ZNF750: variants seen among roughly 807,000 people sequenced by gnomAD.
The protein encoded by ZNF750 is protein ZNF750.
In ZNF750, 10 loss-of-function variants were observed where a neutral mutation model predicts 31.6. The observed-to-expected ratio is 0.32, with a 90% CI of 0.19 to 0.54. The LOEUF (loss-of-function observed/expected upper bound fraction) is 0.54, where lower values mean the gene tolerates loss of function less well. Among genes scored for constraint, ZNF750 ranks in the 20% least tolerant of loss-of-function variants. The pLI, the probability that ZNF750 is intolerant of heterozygous loss-of-function variation, is 0.95. For synonymous variants in ZNF750, 400 were observed against 404.9 expected (o/e 0.99, Z 0.15); for missense variants, 914 against 934.9 (o/e 0.98, Z 0.29).
At position 82,833,625 on chromosome 17, in the gene ZNF750, C is replaced by T. The variant is rs1030653126; in HGVS notation, c.-182-989G>A. The stretch of plus-strand genomic sequence containing the variant: ...GCTGGCCAGGAGGCATGGCCAGCAG[C>T]GCCTGCCCGTCCAGATGCACCACCA... On this transcript the variant is annotated intron_variant, in intron 1 of 2. Coordinates refer to ENST00000269394, the MANE Select transcript of ZNF750 (RefSeq NM_024702.3). The surrounding 1 kb of genome is among the most constrained non-coding windows in gnomAD (Gnocchi z 4.7). Among the ~76,000 whole-genome samples the T allele has an allele frequency of 1.3e-5, 2 of 152,188 alleles. No homozygotes were observed. The highest frequency in any genetic ancestry group is 2.4e-5 in the African/African-American group (1 of 41,442).
rs1402397212 is a variant in ZNF750 at position 82,830,430 on chromosome 17, C to G, written c.1884G>C (p.Glu628Asp). The G allele has an allele frequency of 6.2e-6, 10 of 1,611,700 alleles. No homozygotes were observed. In the African/African-American group the frequency reaches 6.7e-5, roughly 11 times the overall value. ...APDACAVDSSEEQKQTAAVAL... is the reference protein window; with the variant it reads ...APDACAVDSSDEQKQTAAVAL... ...CCACGGCTGCCGTCTGCTTCTGCTC[C>G]TCGCTGCTGTCCACCGCGCATGCGT... Residue 628 changes from glutamate to aspartate, a missense_variant, in exon 3 of 3, where the codon GAG (glutamate) becomes GAC (aspartate). Around this residue, in one of 2 missense-constraint regions of ZNF750, gnomAD observed 880 missense variants for 868.9 expected, o/e 1.01. Transcript: ENST00000269394.
Position 82,830,104 on chromosome 17 carries a change from G to T in ZNF750, c.*38C>A, listed in dbSNP as rs780088774. ...GCTTGCCACCTTGGAAGGCGTGTGT[G>T]TGGCCGTAGCTCTGTGAACACACGT... On this transcript the variant is annotated 3_prime_UTR_variant, in exon 3 of 3. Coordinates refer to ENST00000269394, the MANE Select transcript of ZNF750 (RefSeq NM_024702.3). 6.2e-7 allele frequency: 1 copy of T among 1,611,924 alleles called. No individual in the cohort carries two copies. Among genetic ancestry groups the T allele is most frequent in the East Asian group, 2.2e-5 (1 of 44,876 alleles).
chr17:82,838,737 A>G (rs1206267542), intron 1 of ZNF750: 12 of 985,326 alleles, frequency 1.2e-5, no homozygotes, highest in African/African-American at 1.7e-5. Flanking sequence ...GGGAAAAGAC[A>G]GTCTTTGGGA....
chr17:82,838,598 CTG>C, intron 1 of ZNF750: 1 of 969,056 alleles, frequency 1.0e-6, no homozygotes, highest in Non-Finnish European at 1.2e-6. Flanking sequence ...CGCCTACCCA[CTG>C]TGATGTCGCA....
Position 82,831,136 on chromosome 17 carries a change from C to G in ZNF750, c.1319G>C (p.Ser440Thr), listed in dbSNP as rs1368002576. ...TGGCGGGTAGAGTCTTCCCAGTGCG[C>G]TGGAGGCTGCCTTGTTGGAGAGGTC... ...LYDLSNKAAS[S>T]ALGRLYPPEQ... Residue 440 changes from serine to threonine, a missense_variant, in exon 2 of 3, where the codon AGC becomes ACC. Around this residue, in one of 2 missense-constraint regions of ZNF750, gnomAD observed 880 missense variants for 868.9 expected, o/e 1.01. Transcript: ENST00000269394. This position sits in a 1 kb window ranked among gnomAD's most constrained non-coding sequence, Gnocchi z 4.6. 6.2e-7 allele frequency: 1 copy of G among 1,614,162 alleles called. No individual in the cohort carries two copies. The highest frequency in any genetic ancestry group is 1.3e-5 in the African/African-American group (1 of 75,034).
Position 82,830,549 on chromosome 17 carries a change from C to T in ZNF750, c.1765G>A (p.Gly589Ser). 3 of 1,614,146 alleles carry T rather than the reference C, an allele frequency of 1.9e-6. No individual in the cohort carries two copies. The highest frequency in any genetic ancestry group is 2.5e-6 in the Non-Finnish European group (3 of 1,180,042). The part of the protein sequence containing the change: ...AAVPQKTGTE[G>S]SEDGPSHPET... The stretch of plus-strand genomic sequence containing the variant: ...GGGTGGCTGGGCCCATCCTCAGAAC[C>T]TTCTGTCCCAGTCTTCTGTGGAACA... Residue 589 changes from glycine to serine, a missense_variant, in exon 3 of 3, where the codon GGT becomes AGT. By Grantham distance (56) the Gly-to-Ser change is moderately conservative. This residue lies in a region of ZNF750 where 880 missense variants were observed against 868.9 expected (regional missense o/e 1.01). Transcript: ENST00000269394.
rs148009121 is a variant in ZNF750, at chr17:82,834,880, TA to T, written c.-182-2245del. Among the ~76,000 whole-genome samples, 660 of 149,312 alleles carry T rather than the reference TA, an allele frequency of 4.4e-3. 1 individual carries two copies. The highest frequency in any genetic ancestry group is 0.018 in the East Asian group (93 of 5,106). On this transcript the variant is annotated intron_variant, in intron 1 of 2. Coordinates refer to ENST00000269394, the MANE Select transcript of ZNF750 (RefSeq NM_024702.3). ...TTGTGTCCTGGAACTTAAAGTATAATAAAAAAAAAATACATTAAAGTAAAGT... is the reference window on the plus strand; with the variant it reads ...TTGTGTCCTGGAACTTAAAGTATAATAAAAAAAAATACATTAAAGTAAAGT...
At chr17:82,834,825 A>G (rs1175194768) in intron 1 of ZNF750, among the ~76,000 whole-genome samples, 2 of 152,164 alleles carry the variant, frequency 1.3e-5, no homozygotes, top group Admixed American at 6.5e-5. Flanking sequence ...CATGGCACAC[A>G]TTTACCTGTG....
chr17:82,831,170 C>T lies in ZNF750; in HGVS notation c.1285G>A (p.Gly429Ser). ...DFMQTSQTCE[G>S]LYDLSNKAAS... Reference sequence around the variant, plus strand: ...GCCTTGTTGGAGAGGTCGTACAGGCCTTCGCAGGTCTGGCTCGTCTGCATG... The same window carrying T: ...GCCTTGTTGGAGAGGTCGTACAGGCTTTCGCAGGTCTGGCTCGTCTGCATG... The change falls in exon 2 of 3, where the codon GGC becomes AGC. Residue 429 changes from glycine to serine, a missense_variant. By Grantham distance (56) the Gly-to-Ser change is moderately conservative (BLOSUM62 0). This residue lies in a region of ZNF750 where 880 missense variants were observed against 868.9 expected (regional missense o/e 1.01). Transcript: ENST00000269394. This position sits in a 1 kb window ranked among gnomAD's most constrained non-coding sequence, Gnocchi z 4.6. 1 of 1,614,150 alleles carries T rather than the reference C, an allele frequency of 6.2e-7. No homozygotes were observed. The highest frequency in any genetic ancestry group is 1.3e-5 in the African/African-American group (1 of 75,048).
chr17:82,838,112 G>T (rs1465161030), intron 1 of ZNF750, among the ~76,000 whole-genome samples: 1 of 152,242 alleles, frequency 6.6e-6, no homozygotes, highest in Non-Finnish European at 1.5e-5. Context: ...ACTGGGCCGG[G>T]TGTTGGGGCG....
rs146766302 is a variant in ZNF750 at position 82,831,134 on chromosome 17, C to T, written c.1321G>A (p.Ala441Thr). 1.3e-4 allele frequency: 203 copies of T among 1,613,996 alleles called. 1 individual carries two copies. The highest frequency in any genetic ancestry group is 1.9e-4 in the South Asian group (17 of 91,084). The stretch of plus-strand genomic sequence containing the variant: ...TCTGGCGGGTAGAGTCTTCCCAGTG[C>T]GCTGGAGGCTGCCTTGTTGGAGAGG... ...YDLSNKAASS[A>T]LGRLYPPEQS... The change falls in exon 2 of 3, where the codon GCA (alanine) becomes ACA (threonine). Residue 441 changes from alanine (A) to threonine (T), a missense_variant. Physicochemically the swap from Ala to Thr is moderately conservative, Grantham distance 58 (BLOSUM62 0). Around this residue, in one of 2 missense-constraint regions of ZNF750, gnomAD observed 880 missense variants for 868.9 expected, o/e 1.01. Transcript: ENST00000269394. This position sits in a 1 kb window ranked among gnomAD's most constrained non-coding sequence, Gnocchi z 4.6.
Position 82,830,436 on chromosome 17 carries a change from G to A in ZNF750, c.1878C>T (p.Ser626=). Residue 626 remains serine, a synonymous_variant, in exon 3 of 3, where the codon AGC becomes AGT. Coordinates refer to ENST00000269394, the MANE Select transcript of ZNF750 (RefSeq NM_024702.3). ...EEAPDACAVD[S]SEEQKQTAAV... is the part of the protein sequence containing the mutation. ...CTGCCGTCTGCTTCTGCTCCTCGCT[G>A]CTGTCCACCGCGCATGCGTCTGGAG... The A allele has an allele frequency of 3.1e-6, 5 of 1,611,778 alleles. No individual in the cohort carries two copies. The highest frequency in any genetic ancestry group is 4.2e-6 in the Non-Finnish European group (5 of 1,179,886).
At chr17:82,838,020 A>C (rs150663492) in intron 1 of ZNF750, among the ~76,000 whole-genome samples, 1 of 152,280 alleles carries the variant, frequency 6.6e-6, no homozygotes, top group East Asian at 1.9e-4. Context: ...AAATATTTTA[A>C]ATGTTGTGTG....
intron 1 of ZNF750, among the ~76,000 whole-genome samples, chr17:82,834,791 C>T (rs1462910332): frequency 5.9e-5 from 9 of 152,046 alleles, no homozygotes; most frequent in East Asian, 1.9e-4. Flanking sequence ...CCTAGATGAT[C>T]GGTTGATGGG....
Position 82,830,455 on chromosome 17 carries a change from T to C in ZNF750, c.1859A>G (p.Asp620Gly). 1 of 1,612,358 alleles carries C rather than the reference T, an allele frequency of 6.2e-7. No homozygotes were observed. Among genetic ancestry groups the C allele is most frequent in the Non-Finnish European group, 8.5e-7 (1 of 1,179,610 alleles). ...CTCGCTGCTGTCCACCGCGCATGCG[T>C]CTGGAGCCTCCTCGCCGGGGCCTGT... Reference protein sequence around the residue: ...PPTGPGEEAPDACAVDSSEEQ... With the variant: ...PPTGPGEEAPGACAVDSSEEQ... The change falls in exon 3 of 3, where the codon GAC becomes GGC. Residue 620 changes from aspartate to glycine, a missense_variant. This residue lies in a region of ZNF750 where 880 missense variants were observed against 868.9 expected (regional missense o/e 1.01). Transcript: ENST00000269394.
chr17:82,830,666 G>C lies in ZNF750; in HGVS notation c.1648C>G (p.Pro550Ala). Residue 550 changes from proline (P) to alanine (A), a missense_variant, in exon 3 of 3, where the codon CCA becomes GCA. By Grantham distance (27) the Pro-to-Ala change is conservative. Around this residue, in one of 2 missense-constraint regions of ZNF750, gnomAD observed 880 missense variants for 868.9 expected, o/e 1.01. Coordinates refer to ENST00000269394, the MANE Select transcript of ZNF750 (RefSeq NM_024702.3). ...TASFSELQDL[P>A]LNLSVKDPCN... ...GGGTCCTTCACCGAGAGATTGAGTGGAAGGTCCTGCAGCTCTGAGAAGCTG... is the reference window on the plus strand; with the variant it reads ...GGGTCCTTCACCGAGAGATTGAGTGCAAGGTCCTGCAGCTCTGAGAAGCTG... The C allele has an allele frequency of 6.2e-7, 1 of 1,614,144 alleles. No homozygotes were observed. Among genetic ancestry groups the C allele is most frequent in the Non-Finnish European group, 8.5e-7 (1 of 1,180,012 alleles).
At position 82,831,717 on chromosome 17, in the gene ZNF750, A is replaced by G. The variant is rs776171352; in HGVS notation, c.738T>C (p.Phe246=). ...HPTIPEYPPH[F]YTEHGLATIY... is the part of the protein sequence containing the mutation. ...TGGTGGCCAGCCCGTGCTCTGTGTAAAAGTGAGGCGGGTACTCTGGGATTG... is the reference window on the plus strand; with the variant it reads ...TGGTGGCCAGCCCGTGCTCTGTGTAGAAGTGAGGCGGGTACTCTGGGATTG... The change falls in exon 2 of 3, where the codon TTT becomes TTC. Residue 246 remains phenylalanine (F), a synonymous_variant. Transcript: ENST00000269394. This position sits in a 1 kb window ranked among gnomAD's most constrained non-coding sequence, Gnocchi z 4.6. 5 of 1,614,120 alleles carry G rather than the reference A, an allele frequency of 3.1e-6. No individual in the cohort carries two copies. The highest frequency in any genetic ancestry group is 4.2e-6 in the Non-Finnish European group (5 of 1,180,024).
At chr17:82,834,243 C>T (rs1196675553) in intron 1 of ZNF750, among the ~76,000 whole-genome samples, 1 of 152,122 alleles carries the variant, frequency 6.6e-6, no homozygotes, top group African/African-American at 2.4e-5. Context: ...CCACCGCACC[C>T]GTCCCAGAAC....
chr17:82,835,309 C>T lies in ZNF750; in HGVS notation c.-182-2673G>A, dbSNP rs1033881837. 1.1e-4 allele frequency among the ~76,000 whole-genome samples: 16 copies of T among 152,202 alleles called. No individual in the cohort carries two copies. In the East Asian group the frequency reaches 1.2e-3, roughly 11 times the overall value. On this transcript the variant is annotated intron_variant, in intron 1 of 2. Coordinates refer to ENST00000269394, the MANE Select transcript of ZNF750 (RefSeq NM_024702.3). This position sits in a 1 kb window ranked among gnomAD's most constrained non-coding sequence, Gnocchi z 4.5. Reference sequence around the variant, plus strand: ...CTGCACCCGTGTCCTTCCTCCCACACGCCAGGGGCCAGGGGTGGTGGCTGG... The same window carrying T: ...CTGCACCCGTGTCCTTCCTCCCACATGCCAGGGGCCAGGGGTGGTGGCTGG...
Sources: gnomAD v4.1 joint callset for allele counts (sites outside exome capture counted in the v4.1 genomes callset) on GRCh38, gnomAD v4.1.1 for gene constraint, gnomAD v4.1.1 regional missense constraint, Gnocchi (gnomAD v3.1) non-coding constraint, MANE v1.5 for transcripts, NCBI Gene and HGNC (gene_info 2026-07-23, HGNC 2026-07-21) for gene names.